Variants in ASXL3 observed in about 807,000 individuals in gnomAD.
ASXL3 encodes the protein putative Polycomb group protein ASXL3.
A neutral mutation model predicts 170.6 loss-of-function variants in ASXL3; 34 were observed. The ratio of observed to expected loss-of-function variants is 0.20; its 90% CI spans 0.15 to 0.27. The LOEUF is 0.27. ASXL3 is among the 10% of genes least tolerant of loss of function. The pLI is 1.00. For synonymous variants in ASXL3, 1,002 were observed against 989.1 expected (o/e 1.01, Z -0.24); for missense variants, 2,592 against 2,695.3 (o/e 0.96, Z 0.85).
rs866566658 is a variant in ASXL3, at chr18:33,743,908, T to C, written c.4060T>C (p.Ser1354Pro). Residue 1354 changes from serine (S) to proline (P), a missense_variant, in exon 12 of 12, where the codon TCC (serine) becomes CCC (proline). Physicochemically the swap from Ser to Pro is moderately conservative, Grantham distance 74. Transcript: ENST00000269197. ...PSIGNNLPNL[S>P]TSSVLIPPMG... ...CATCGGAAACAATTTGCCAAACCTC[T>C]CCACTAGCTCTGTCTTGATTCCCCC... 1.5e-5 allele frequency: 24 copies of C among 1,613,848 alleles called. No homozygotes were observed. The African/African-American group carries it at 2.7e-4, about 18-fold the overall frequency.
chr18:33,731,659 G>A (rs543783877), intron 8 of ASXL3, among the ~76,000 whole-genome samples: 1 of 152,210 alleles, frequency 6.6e-6, no homozygotes, highest in African/African-American at 2.4e-5. Context: ...TAAGAAGCCA[G>A]CCAAGGAGAA....
intron 1 of ASXL3, among the ~76,000 whole-genome samples, chr18:33,591,225 A>G (rs1026696737): frequency 6.6e-6 from 1 of 152,186 alleles, no homozygotes; most frequent in African/African-American, 2.4e-5. Context: ...AGTGTTTCAG[A>G]AATTTTTTTT....
chr18:33,644,478 G>GT (rs75956043), intron 2 of ASXL3, among the ~76,000 whole-genome samples: 2,438 of 134,932 alleles, frequency 0.018, 25 homozygotes, highest in East Asian at 0.047. Flanking sequence ...GGGTTTTTTT[G>GT]TTTTTTTTTT....
chr18:33,683,199 G>C (rs1310664761), intron 7 of ASXL3, among the ~76,000 whole-genome samples: 1 of 152,150 alleles, frequency 6.6e-6, no homozygotes, highest in Non-Finnish European at 1.5e-5. Context: ...CATTATGACA[G>C]CTAAAGATAA....
chr18:33,680,064 C>T (rs890702980), intron 7 of ASXL3, among the ~76,000 whole-genome samples: 8 of 151,912 alleles, frequency 5.3e-5, no homozygotes, highest in East Asian at 1.9e-4. Flanking sequence ...TATTTTTACA[C>T]GTAAGCCTTT....
intron 4 of ASXL3, among the ~76,000 whole-genome samples, chr18:33,653,763 TC>T (rs1023698412): frequency 6.6e-6 from 1 of 151,956 alleles, no homozygotes; most frequent in Non-Finnish European, 1.5e-5. Context: ...AATCGCACAG[TC>T]CCCCTTATAC....
intron 2 of ASXL3, among the ~76,000 whole-genome samples, chr18:33,636,743 A>G (rs1162359162): frequency 1.3e-5 from 2 of 152,128 alleles, no homozygotes; most frequent in South Asian, 2.1e-4. Flanking sequence ...AATATAATGC[A>G]GGTTGAGTTT....
intron 8 of ASXL3, among the ~76,000 whole-genome samples, chr18:33,714,180 C>T (rs879814228): frequency 3.3e-5 from 5 of 152,158 alleles, no homozygotes; most frequent in Non-Finnish European, 5.9e-5. Context: ...AAGTTTTTCT[C>T]CTGGATGTCG....
chr18:33,690,681 C>T (rs1042873422), intron 8 of ASXL3, among the ~76,000 whole-genome samples: 1 of 152,192 alleles, frequency 6.6e-6, no homozygotes, highest in Admixed American at 6.5e-5. Context: ...CTTACTTCTC[C>T]GACAGTGAGA....
intron 1 of ASXL3, among the ~76,000 whole-genome samples, chr18:33,583,111 C>A (rs1390895865): frequency 6.6e-6 from 1 of 152,000 alleles, no homozygotes; most frequent in Non-Finnish European, 1.5e-5. Flanking sequence ...TTACTGGTTG[C>A]CTTGCCTTTT....
chr18:33,598,906 T>C (rs1481749557), intron 1 of ASXL3, among the ~76,000 whole-genome samples: 1 of 152,156 alleles, frequency 6.6e-6, no homozygotes, highest in Non-Finnish European at 1.5e-5. Flanking sequence ...TTAAATTAAC[T>C]CCTTTGTATC....
At chr18:33,656,666 G>A (rs2066089007) in intron 4 of ASXL3, among the ~76,000 whole-genome samples, 1 of 152,034 alleles carries the variant, frequency 6.6e-6, no homozygotes, top group Non-Finnish European at 1.5e-5. Context: ...AGTAAAGATG[G>A]CAAAGAGAAA....
chr18:33,624,438 T>C (rs1305810641), intron 2 of ASXL3, among the ~76,000 whole-genome samples: 1 of 152,060 alleles, frequency 6.6e-6, no homozygotes, highest in African/African-American at 2.4e-5. Context: ...TCAGGTTTTT[T>C]TGTTGTTGTT....
intron 1 of ASXL3, among the ~76,000 whole-genome samples, chr18:33,601,328 G>A (rs145317239): frequency 1.3e-5 from 2 of 151,954 alleles, no homozygotes; most frequent in East Asian, 3.9e-4. Flanking sequence ...GCTGTAGGCA[G>A]TCATTTGGCT....
chr18:33,689,003 C>T (rs1230816192), intron 8 of ASXL3, among the ~76,000 whole-genome samples: 2 of 149,512 alleles, frequency 1.3e-5, no homozygotes, highest in Admixed American at 6.7e-5. Context: ...TTCTTTTTAT[C>T]TTTTTTTTTT....
At chr18:33,716,096 G>A (rs937741691) in intron 8 of ASXL3, among the ~76,000 whole-genome samples, 1 of 152,174 alleles carries the variant, frequency 6.6e-6, no homozygotes, top group African/African-American at 2.4e-5. Context: ...GCCTTTAATG[G>A]TAAGTTGAGA....
intron 8 of ASXL3, among the ~76,000 whole-genome samples, chr18:33,689,759 T>A (rs990068530): frequency 1.3e-5 from 2 of 152,200 alleles, no homozygotes; most frequent in Non-Finnish European, 2.9e-5. Context: ...AGTGTAAACT[T>A]GCTCCTTTCC....
chr18:33,742,473 A>G (rs1039031281), intron 11 of ASXL3, among the ~76,000 whole-genome samples: 4 of 152,204 alleles, frequency 2.6e-5, no homozygotes, highest in African/African-American at 9.6e-5. Context: ...TTTGGGTCAA[A>G]TTAAGACAGA....
At chr18:33,599,445 A>C (rs564508718) in intron 1 of ASXL3, among the ~76,000 whole-genome samples, 1 of 152,276 alleles carries the variant, frequency 6.6e-6, no homozygotes, top group South Asian at 2.1e-4. Flanking sequence ...TCCCAGTGGC[A>C]GCCACAACAG....
Sources: allele counts gnomAD v4.1 joint callset (sites outside exome capture counted in the v4.1 genomes callset), GRCh38; gene constraint gnomAD v4.1.1; transcripts MANE v1.5; gene names NCBI Gene and HGNC (gene_info 2026-07-23, HGNC 2026-07-21).